EVL: variants seen among roughly 807,000 people sequenced by gnomAD.
The protein encoded by EVL is Enah/Vasp-like, also known as ena/VASP-like protein.
EVL carries 21 observed loss-of-function variants against 59.6 expected under a neutral mutation model. The observed-to-expected ratio is 0.35, with a 90% CI of 0.25 to 0.51. The LOEUF is 0.51. Among genes scored for constraint, EVL ranks in the 20% least tolerant of loss-of-function variants. The pLI is 0.97. For synonymous variants in EVL, 198 were observed against 203.5 expected, an observed-to-expected ratio of 0.97 and a Z score of 0.23; for missense variants, 462 against 546.6, an observed-to-expected ratio of 0.85 and a Z score of 1.54.
chr14:100,144,047 T>C lies in EVL; in HGVS notation c.*309T>C. The C allele has an allele frequency of 2.4e-6, 1 of 410,950 alleles. No homozygotes were observed. Among genetic ancestry groups the C allele is most frequent in the Non-Finnish European group, 4.4e-6 (1 of 227,984 alleles). The allele number at this position is 410,950 out of a possible 1,614,324, so 25.5% of individuals were successfully genotyped here. On this transcript the variant is annotated 3_prime_UTR_variant, in exon 14 of 14. Transcript: ENST00000392920. ...CTAAGTCACCTGCTTCATTAGACGG[T>C]TTCCAGGTTTTCTCCCAGGTGACGC...
chr14:100,097,738 G>T (rs891723769), intron 3 of EVL, 80 bp downstream of exon 3: 138 of 1,374,952 alleles, frequency 1.0e-4, no homozygotes, highest in Non-Finnish European at 1.3e-4. Flanking sequence ...TGGCTCTCCG[G>T]GTATCCTAGC....
At chr14:100,019,940 C>A (rs1028885838) in intron 1 of EVL, among the ~76,000 whole-genome samples, 5 of 152,158 alleles carry the variant, frequency 3.3e-5, no homozygotes, top group Admixed American at 6.5e-5. Context: ...AGGACCCCAC[C>A]TTGTGCCTTA....
chr14:100,085,586 G>T (rs149634551), intron 2 of EVL, among the ~76,000 whole-genome samples: 342 of 152,316 alleles, frequency 2.2e-3, no homozygotes, highest in Non-Finnish European at 3.9e-3. Context: ...TATAGCATTT[G>T]TGAAAAAGTC....
chr14:99,998,414 A>T (rs913157037), intron 1 of EVL, among the ~76,000 whole-genome samples: 2 of 152,110 alleles, frequency 1.3e-5, no homozygotes, highest in African/African-American at 4.8e-5. Flanking sequence ...CTAATTTGAG[A>T]TATTGTCTTA....
At chr14:100,125,201 C>T (rs1299185330) in intron 4 of EVL, among the ~76,000 whole-genome samples, 1 of 144,448 alleles carries the variant, frequency 6.9e-6, no homozygotes, top group Non-Finnish European at 1.5e-5. Context: ...CACACCTGCC[C>T]CAAGACGGGA....
At chr14:100,124,278 G>T (rs1887887177) in intron 4 of EVL, among the ~76,000 whole-genome samples, 1 of 152,206 alleles carries the variant, frequency 6.6e-6, no homozygotes, top group African/African-American at 2.4e-5. Flanking sequence ...TCAAGCTGCA[G>T]CTCTCTGTGG....
At chr14:100,053,115 G>A (rs1566986760) in intron 1 of EVL, 1 of 152,136 alleles carries the variant, frequency 6.6e-6, no homozygotes, top group Non-Finnish European at 1.5e-5. Context: ...ACTTTCTGCA[G>A]GCCCTGTCTC....
intron 3 of EVL, among the ~76,000 whole-genome samples, chr14:100,103,631 T>C (rs761442411): frequency 5.3e-5 from 8 of 152,134 alleles, no homozygotes; most frequent in Non-Finnish European, 7.4e-5. Context: ...CCACCCCAGG[T>C]GAGGATGAGG....
intron 3 of EVL, among the ~76,000 whole-genome samples, chr14:100,110,608 A>C (rs534158426): frequency 1.2e-4 from 19 of 152,140 alleles, no homozygotes; most frequent in Non-Finnish European, 2.5e-4. Flanking sequence ...TCAAATCAAG[A>C]TCTGAGAAGA....
intron 1 of EVL, among the ~76,000 whole-genome samples, chr14:100,054,348 C>T (rs117526455): frequency 0.029 from 4,390 of 152,214 alleles, 91 homozygotes; most frequent in Non-Finnish European, 0.042. Context: ...CCAGCGTGCC[C>T]GGCTGACGTT....
intron 1 of EVL, among the ~76,000 whole-genome samples, chr14:100,046,059 A>C (rs1006948890): frequency 1.3e-5 from 2 of 152,176 alleles, no homozygotes; most frequent in African/African-American, 2.4e-5. Flanking sequence ...AAAGTGTTGA[A>C]ATTTCAAATT....
intron 1 of EVL, among the ~76,000 whole-genome samples, chr14:100,070,810 T>C (rs2062033984): frequency 6.6e-6 from 1 of 152,216 alleles, no homozygotes; most frequent in Non-Finnish European, 1.5e-5. Flanking sequence ...TAAAACCTGT[T>C]CCACTTCACA....
intron 1 of EVL, among the ~76,000 whole-genome samples, chr14:100,071,012 T>C (rs903932827): frequency 1.3e-5 from 2 of 152,120 alleles, no homozygotes; most frequent in Non-Finnish European, 2.9e-5. Flanking sequence ...AGTCTAGGAA[T>C]GTCAGACTCC....
intron 1 of EVL, among the ~76,000 whole-genome samples, chr14:100,068,788 G>A (rs997396197): frequency 4.6e-5 from 7 of 152,182 alleles, no homozygotes; most frequent in African/African-American, 1.2e-4. Context: ...AATCTGTAGA[G>A]GTGTGGGCCT....
chr14:100,005,456 A>G (rs772022967), intron 1 of EVL, among the ~76,000 whole-genome samples: 3 of 152,188 alleles, frequency 2.0e-5, no homozygotes, highest in Admixed American at 6.5e-5. Flanking sequence ...ACCTAATATT[A>G]CTTGGCAGGG....
At chr14:100,008,814 G>A (rs1254798102) in intron 1 of EVL, among the ~76,000 whole-genome samples, 1 of 152,170 alleles carries the variant, frequency 6.6e-6, no homozygotes, top group Non-Finnish European at 1.5e-5. Flanking sequence ...TGTATGTTGG[G>A]TGTTGGGGCT....
At chr14:100,068,812 C>T (rs2061991130) in intron 1 of EVL, among the ~76,000 whole-genome samples, 1 of 152,048 alleles carries the variant, frequency 6.6e-6, no homozygotes, top group East Asian at 1.9e-4. Flanking sequence ...AGCACAGGTT[C>T]CCAGGAAATG....
chr14:100,034,916 G>A (rs1023659324), intron 1 of EVL, among the ~76,000 whole-genome samples: 2 of 152,118 alleles, frequency 1.3e-5, no homozygotes, highest in Non-Finnish European at 2.9e-5. Flanking sequence ...GATTATATAT[G>A]CAAAAATGCT....
intron 1 of EVL, among the ~76,000 whole-genome samples, chr14:100,066,136 A>T (rs2061925679): frequency 6.6e-6 from 1 of 152,220 alleles, no homozygotes; most frequent in South Asian, 2.1e-4. Context: ...CTGAAAGATT[A>T]TAGATGATAG....
Sources: allele counts gnomAD v4.1 joint callset (sites outside exome capture counted in the v4.1 genomes callset), GRCh38; gene constraint gnomAD v4.1.1; transcripts MANE v1.5; gene names NCBI Gene and HGNC (gene_info 2026-07-23, HGNC 2026-07-21).